The following RNF216 variants were observed in gnomAD, a reference collection of about 807,000 sequenced individuals.
RNF216 encodes E3 ubiquitin-protein ligase RNF216.
In RNF216, 72 loss-of-function variants were observed where a neutral mutation model predicts 110.8. The ratio of observed to expected loss-of-function variants is 0.65; its 90% CI spans 0.54 to 0.79. The LOEUF (loss-of-function observed/expected upper bound fraction) is 0.79, where lower values mean the gene tolerates loss of function less well. Among genes scored for constraint, RNF216 ranks in the 30% least tolerant of loss-of-function variants. The pLI, the probability that RNF216 is intolerant of heterozygous loss-of-function variation, is 0.00. For missense variants in RNF216, 1,342 were observed against 1,141.2 expected, an observed-to-expected ratio of 1.18 and a Z score of -2.54; for synonymous variants, 495 against 407.5, an observed-to-expected ratio of 1.21 and a Z score of -2.59.
chr7:5,680,159 C>A lies in RNF216; in HGVS notation c.2062-27649G>T, dbSNP rs1282138124. ...CACGAGCTGGCCCTGAAGCTTCCAG[C>A]CTCCTCAGAGCTCGCCCTGGAAACA... On this transcript the variant is annotated intron_variant, in intron 13 of 16. Transcript: ENST00000389902. The surrounding 1 kb of genome is among the most constrained non-coding windows in gnomAD (Gnocchi z 4.3). Among the ~76,000 whole-genome samples, 1 of 152,226 alleles carries A rather than the reference C, an allele frequency of 6.6e-6. No homozygotes were observed. Among genetic ancestry groups the A allele is most frequent in the African/African-American group, 2.4e-5 (1 of 41,460 alleles).
chr7:5,651,271 TG>T (rs1301790754), intron 14 of RNF216, among the ~76,000 whole-genome samples: 1 of 151,722 alleles, frequency 6.6e-6, no homozygotes, highest in African/African-American at 2.4e-5. Flanking sequence ...TCGCCCAGGC[TG>T]TAGTGTTGTA....
At position 5,689,144 on chromosome 7, in the gene RNF216, G is replaced by C. The variant is rs529612422; in HGVS notation, c.2061+22617C>G. 3.3e-5 allele frequency among the ~76,000 whole-genome samples: 5 copies of C among 152,124 alleles called. No individual in the cohort carries two copies. The East Asian group carries it at 9.7e-4, about 29-fold the overall frequency. On this transcript the variant is annotated intron_variant, in intron 13 of 16. Transcript: ENST00000389902. ...TGTGAGCCAATATGCAGAACCAAAAGCACAGGAGGGAGGTGGAAGGGGGTC... is the reference window on the plus strand; with the variant it reads ...TGTGAGCCAATATGCAGAACCAAAACCACAGGAGGGAGGTGGAAGGGGGTC...
chr7:5,725,841 C>G (rs941342937), intron 7 of RNF216, among the ~76,000 whole-genome samples: 224 of 77,152 alleles, frequency 2.9e-3, no homozygotes, highest in Non-Finnish European at 4.7e-3. Flanking sequence ...CCAGCCTGGG[C>G]AAAAAAAAAA....
Position 5,683,633 on chromosome 7 carries a change from C to T in RNF216, c.2061+28128G>A, listed in dbSNP as rs183032568. Reference sequence around the variant, plus strand: ...AATCCTGGCTCTACCCCTTTGAGTGCACACTTAACCTGGAGCCTCAGTGTC... The same window carrying T: ...AATCCTGGCTCTACCCCTTTGAGTGTACACTTAACCTGGAGCCTCAGTGTC... On this transcript the variant is annotated intron_variant, in intron 13 of 16. Coordinates refer to ENST00000389902, the MANE Select transcript of RNF216 (RefSeq NM_207111.4). Among the ~76,000 whole-genome samples, 4 of 152,278 alleles carry T rather than the reference C, an allele frequency of 2.6e-5. No homozygotes were observed. The East Asian group carries it at 5.8e-4, about 22-fold the overall frequency.
chr7:5,725,607 T>C (rs1793703295), intron 7 of RNF216, among the ~76,000 whole-genome samples, 169 bp from the exon 8 acceptor site: 2 of 152,164 alleles, frequency 1.3e-5, no homozygotes, highest in East Asian at 1.9e-4. Flanking sequence ...TCCCAACACT[T>C]TGGGAGGCCA....
chr7:5,749,094 G>A (rs948940656), intron 3 of RNF216, among the ~76,000 whole-genome samples: 5 of 151,542 alleles, frequency 3.3e-5, no homozygotes, highest in African/African-American at 1.2e-4. Flanking sequence ...GGTATTTTTG[G>A]TAAGTAAGAC....
At chr7:5,726,386 C>G (rs1439675462) in intron 7 of RNF216, among the ~76,000 whole-genome samples, 1 of 152,152 alleles carries the variant, frequency 6.6e-6, no homozygotes, top group Non-Finnish European at 1.5e-5. Flanking sequence ...TTTCTCTGGT[C>G]AATGCTCCTC....
intron 13 of RNF216, among the ~76,000 whole-genome samples, chr7:5,652,896 C>T (rs900672532): frequency 2.6e-5 from 4 of 152,152 alleles, no homozygotes; most frequent in African/African-American, 4.8e-5. Flanking sequence ...AGTGTTGCTC[C>T]CATCACTTAA....
intron 15 of RNF216, among the ~76,000 whole-genome samples, chr7:5,639,893 G>A (rs1433512779): frequency 2.0e-5 from 3 of 151,862 alleles, no homozygotes; most frequent in Non-Finnish European, 2.9e-5. Flanking sequence ...CTGAGTAGCT[G>A]GGACTACAGG....
intron 14 of RNF216, among the ~76,000 whole-genome samples, chr7:5,645,668 G>A (rs1416234654): frequency 6.6e-6 from 1 of 151,576 alleles, no homozygotes; most frequent in African/African-American, 2.4e-5. Context: ...TCAGCTCACT[G>A]CAACCTCCAT....
intron 5 of RNF216, among the ~76,000 whole-genome samples, chr7:5,731,665 G>A (rs1363087077): frequency 3.3e-5 from 5 of 151,352 alleles, no homozygotes; most frequent in Non-Finnish European, 4.4e-5. Flanking sequence ...TGCTCGGAGG[G>A]TAATGGGGAC....
chr7:5,713,881 A>G (rs1792876675), intron 11 of RNF216, among the ~76,000 whole-genome samples: 1 of 152,256 alleles, frequency 6.6e-6, no homozygotes. Flanking sequence ...TTACAGAGGA[A>G]GAAACAGTGG....
intron 2 of RNF216, among the ~76,000 whole-genome samples, chr7:5,753,905 G>C (rs1161377485): frequency 1.3e-5 from 2 of 152,180 alleles, no homozygotes; most frequent in African/African-American, 4.8e-5. Context: ...TGAGGCAGGA[G>C]AATCGTTTGA....
chr7:5,681,307 T>C (rs940964259), intron 13 of RNF216, among the ~76,000 whole-genome samples: 4 of 152,196 alleles, frequency 2.6e-5, no homozygotes, highest in Non-Finnish European at 2.9e-5. Flanking sequence ...TCTGGTTTCA[T>C]CTCCCATCAT....
chr7:5,762,412 C>G (rs1043429909), intron 1 of RNF216, among the ~76,000 whole-genome samples: 24 of 151,594 alleles, frequency 1.6e-4, no homozygotes, highest in African/African-American at 5.6e-4. Flanking sequence ...AATCCCAGCA[C>G]TTTGGGAGGC....
At chr7:5,656,657 T>C (rs964286260) in intron 13 of RNF216, among the ~76,000 whole-genome samples, 4 of 152,244 alleles carry the variant, frequency 2.6e-5, no homozygotes, top group East Asian at 1.9e-4. Context: ...GTTAAGTTTA[T>C]GATGCCCTTT....
intron 15 of RNF216, among the ~76,000 whole-genome samples, chr7:5,636,969 G>T (rs1306849287): frequency 6.6e-6 from 1 of 151,998 alleles, no homozygotes; most frequent in Non-Finnish European, 1.5e-5. Context: ...AGGAGGAGAA[G>T]AAAGAAAAAA....
At chr7:5,764,306 A>G (rs950255891) in intron 1 of RNF216, among the ~76,000 whole-genome samples, 2 of 152,142 alleles carry the variant, frequency 1.3e-5, no homozygotes, top group African/African-American at 4.8e-5. Flanking sequence ...AAAACCACAC[A>G]TAAAAATGTC....
At chr7:5,668,362 T>C (rs923561133) in intron 13 of RNF216, among the ~76,000 whole-genome samples, 1 of 152,056 alleles carries the variant, frequency 6.6e-6, no homozygotes, top group African/African-American at 2.4e-5. Context: ...TAGTTGGGAC[T>C]ATAGGCACCC....
Sources: allele counts gnomAD v4.1 joint callset (sites outside exome capture counted in the v4.1 genomes callset), GRCh38; gene constraint gnomAD v4.1.1; non-coding constraint Gnocchi (gnomAD v3.1); transcripts MANE v1.5; gene names NCBI Gene and HGNC (gene_info 2026-07-23, HGNC 2026-07-21).